NTRK2: variants seen among roughly 807,000 people sequenced by gnomAD.
The protein encoded by NTRK2 is BDNF/NT-3 growth factors receptor.
In NTRK2, 13 loss-of-function variants were observed where a neutral mutation model predicts 94.5. The ratio of observed to expected loss-of-function variants is 0.14; its 90% confidence interval spans 0.09 to 0.22. The LOEUF is 0.22. Ranked by LOEUF, NTRK2 falls within the 10% of genes least tolerant of loss-of-function variation. The pLI is 1.00. For synonymous variants in NTRK2, 372 were observed against 407.4 expected (o/e 0.91, Z 1.05); for missense variants, 639 against 1,071.2 (o/e 0.60, Z 5.63).
chr9:84,720,752 G>A (rs1025285880), intron 6 of NTRK2, among the ~76,000 whole-genome samples: 13 of 151,988 alleles, frequency 8.6e-5, no homozygotes, highest in South Asian at 8.3e-4. Context: ...GATAGAAATC[G>A]TAAGAGACAT....
chr9:85,004,064 G>GAAAGAAAGAAAAGAAAGA (rs1830673869), intron 17 of NTRK2, among the ~76,000 whole-genome samples: 2 of 33,886 alleles, frequency 5.9e-5, no homozygotes, highest in African/African-American at 1.3e-4. Flanking sequence ...AGAAAGAAAG[G>GAAAGAAAGAAAAGAAAGA]AGAGAGAGAG....
intron 5 of NTRK2, among the ~76,000 whole-genome samples, chr9:84,709,785 AT>A (rs5898872): frequency 5.4e-4 from 82 of 151,818 alleles, no homozygotes; most frequent in African/African-American, 1.7e-3. Flanking sequence ...GCATTTAAAG[AT>A]TTTTTTTTCC....
chr9:84,905,223 C>A (rs1241148644), intron 14 of NTRK2, among the ~76,000 whole-genome samples: 3 of 152,006 alleles, frequency 2.0e-5, no homozygotes, highest in Middle Eastern at 3.4e-3. Flanking sequence ...GAGCAAAGAG[C>A]CTTCAAGGTG....
chr9:84,936,852 A>G (rs1006469926), intron 15 of NTRK2, among the ~76,000 whole-genome samples: 12 of 152,062 alleles, frequency 7.9e-5, no homozygotes, highest in African/African-American at 2.2e-4. Flanking sequence ...CAGTGACCTT[A>G]CATGTGAATT....
intron 9 of NTRK2, among the ~76,000 whole-genome samples, chr9:84,734,989 T>C (rs1588245483): frequency 6.6e-6 from 1 of 152,272 alleles, no homozygotes; most frequent in East Asian, 1.9e-4. Flanking sequence ...AGAAATGTGC[T>C]GTTGGGGACA....
intron 15 of NTRK2, among the ~76,000 whole-genome samples, chr9:84,945,362 C>G (rs1236053204): frequency 6.6e-6 from 1 of 152,142 alleles, no homozygotes; most frequent in African/African-American, 2.4e-5. Flanking sequence ...CTTCGACTGT[C>G]AAAGGCAGGA....
rs139609166 is a variant in NTRK2, at chr9:84,823,653, G to A, written c.1397-37387G>A. ...TGCCCCTAGCCCAGCCCATGTTGGC[G>A]TGCAGGAATGAAAGCCTAGCGTACC... On this transcript the variant is annotated intron_variant, in intron 12 of 18. Coordinates refer to ENST00000277120, the MANE Select transcript of NTRK2 (RefSeq NM_006180.6). 3.3e-3 allele frequency among the ~76,000 whole-genome samples: 499 copies of A among 152,332 alleles called. 3 individuals are homozygous for A. The highest frequency in any genetic ancestry group is 0.011 in the African/African-American group (443 of 41,570).
Position 85,021,580 on chromosome 9 carries a change from C to G in NTRK2, c.*143C>G. 1 of 808,298 alleles carries G rather than the reference C, an allele frequency of 1.2e-6. No homozygotes were observed. The highest frequency in any genetic ancestry group is 2.1e-6 in the Non-Finnish European group (1 of 470,596). The allele number at this position is 808,298 out of a possible 1,614,324, so 50.1% of individuals were successfully genotyped here. A position where few individuals can be genotyped will look rare whatever the true frequency, so the allele number is the denominator to read the frequency against. On this transcript the variant is annotated 3_prime_UTR_variant, in exon 19 of 19. Coordinates refer to ENST00000277120, the MANE Select transcript of NTRK2 (RefSeq NM_006180.6). Reference sequence around the variant, plus strand: ...AACATCAAAGACTCCGAGAAGCTCTCGAGGGAAGCAGTGTGTACTTCTTCA... The same window carrying G: ...AACATCAAAGACTCCGAGAAGCTCTGGAGGGAAGCAGTGTGTACTTCTTCA...
intron 12 of NTRK2, among the ~76,000 whole-genome samples, chr9:84,783,415 T>G (rs888185145): frequency 6.6e-6 from 1 of 152,358 alleles, no homozygotes; most frequent in South Asian, 2.1e-4. Context: ...CTGAGTCAGA[T>G]TCATCCCTGA....
At position 85,023,428 on chromosome 9, in the gene NTRK2, A is replaced by G; in HGVS notation, c.*1991A>G. On this transcript the variant is annotated 3_prime_UTR_variant, in exon 19 of 19. Coordinates refer to ENST00000277120, the MANE Select transcript of NTRK2 (RefSeq NM_006180.6). ...TTTTCATTAAAGGCTTTGAAAGCCA[A>G]TTCTCAAAAATTCAAAAGTGCAAAT... The G allele has an allele frequency of 4.3e-6, 1 of 232,510 alleles. No individual in the cohort carries two copies. 14.4% of individuals were successfully genotyped at this position (232,510 alleles called of 1,614,324 possible). A position where few individuals can be genotyped will look rare whatever the true frequency, so the allele number is the denominator to read the frequency against.
At chr9:84,893,754 C>T (rs139503106) in intron 14 of NTRK2, among the ~76,000 whole-genome samples, 22 of 152,246 alleles carry the variant, frequency 1.4e-4, no homozygotes, top group Admixed American at 2.0e-4. Context: ...TGGTGTGTAT[C>T]GCTGGGGATG....
rs2291504 is a variant in NTRK2, at chr9:85,025,533, C to G, written c.*4096C>G. 335 of 233,242 alleles carry G rather than the reference C, an allele frequency of 1.4e-3. 4 individuals carry two copies. The East Asian group carries it at 0.02, about 14-fold the overall frequency. 14.4% of individuals were successfully genotyped at this position (233,242 alleles called of 1,614,324 possible). A position where few individuals can be genotyped will look rare whatever the true frequency, so the allele number is the denominator to read the frequency against. The stretch of plus-strand genomic sequence containing the variant: ...AGAATGCTGTCCTTTTCAAAGCGTC[C>G]TAACAGCAGGATTACCTGGTCAAGT... On this transcript the variant is annotated 3_prime_UTR_variant, in exon 19 of 19. Coordinates refer to ENST00000277120, the MANE Select transcript of NTRK2 (RefSeq NM_006180.6).
At chr9:84,808,349 T>C (rs557906358) in intron 12 of NTRK2, among the ~76,000 whole-genome samples, 7 of 152,244 alleles carry the variant, frequency 4.6e-5, no homozygotes, top group Non-Finnish European at 1.0e-4. Context: ...TTGGAGTTCC[T>C]GTGCCATAAA....
chr9:84,692,232 A>ATC (rs2060090790), intron 2 of NTRK2, among the ~76,000 whole-genome samples: 1 of 152,094 alleles, frequency 6.6e-6, no homozygotes, highest in African/African-American at 2.4e-5. Flanking sequence ...GAAGAAAAAA[A>ATC]ATTGTCAGAA....
chr9:84,993,614 A>C (rs1485077442), intron 17 of NTRK2, among the ~76,000 whole-genome samples: 1 of 152,202 alleles, frequency 6.6e-6, no homozygotes, highest in African/African-American at 2.4e-5. Context: ...TGCCATTCTC[A>C]GCATAAAATC....
chr9:84,785,538 A>G (rs1261644300), intron 12 of NTRK2, among the ~76,000 whole-genome samples: 1 of 152,180 alleles, frequency 6.6e-6, no homozygotes, highest in Non-Finnish European at 1.5e-5. Flanking sequence ...ATTTTCCAGA[A>G]GAAGGGCAGA....
intron 12 of NTRK2, among the ~76,000 whole-genome samples, chr9:84,801,686 G>A (rs1365283440): frequency 6.6e-6 from 1 of 152,158 alleles, no homozygotes; most frequent in African/African-American, 2.4e-5. Flanking sequence ...TGGTAGGCTA[G>A]GTGTATTAAA....
At chr9:84,931,938 C>T (rs544789071) in intron 14 of NTRK2, among the ~76,000 whole-genome samples, 18 of 152,224 alleles carry the variant, frequency 1.2e-4, no homozygotes, top group African/African-American at 4.3e-4. Flanking sequence ...TAAATTCAGT[C>T]GTTGTCACTG....
At chr9:84,812,411 T>G in intron 12 of NTRK2, 1 of 1,056,290 alleles carries the variant, frequency 9.5e-7, no homozygotes, top group East Asian at 5.3e-5. Context: ...GTTTTCCTCC[T>G]AACTCCATTT....
Sources: gnomAD v4.1 joint callset for allele counts (sites outside exome capture counted in the v4.1 genomes callset) on GRCh38, gnomAD v4.1.1 for gene constraint, MANE v1.5 for transcripts, NCBI Gene and HGNC (gene_info 2026-07-23, HGNC 2026-07-21) for gene names.